The following TTC27 variants were observed in gnomAD, a reference collection of about 807,000 sequenced individuals.
The protein encoded by TTC27 is tetratricopeptide repeat protein 27.
Under a neutral mutation model 115.9 loss-of-function variants are expected in TTC27, and 79 were observed. The ratio of observed to expected loss-of-function variants is 0.68; its 90% CI spans 0.57 to 0.82. The LOEUF is 0.82. Among genes scored for constraint, TTC27 ranks in the 40% least tolerant of loss-of-function variants. The pLI is 0.00. For synonymous variants in TTC27, 401 were observed against 356.0 expected (o/e 1.13, Z -1.42); for missense variants, 1,054 against 993.1 (o/e 1.06, Z -0.82).
intron 16 of TTC27, among the ~76,000 whole-genome samples, chr2:32,794,807 CAA>C (rs1335991974): frequency 1.3e-5 from 2 of 151,936 alleles, no homozygotes; most frequent in Non-Finnish European, 2.9e-5. Context: ...ATATTGTGAA[CAA>C]GTATATGTCA....
intron 9 of TTC27, among the ~76,000 whole-genome samples, chr2:32,682,144 T>G (rs1270112671): frequency 1.3e-5 from 2 of 152,076 alleles, no homozygotes; most frequent in East Asian, 3.9e-4. Flanking sequence ...TTGTTGTGAA[T>G]AAATGCATGC....
rs769957563 is a variant in TTC27, at chr2:32,702,887, T to G, written c.1200T>G (p.Thr400=). The change falls in exon 10 of 20, where the codon ACT becomes ACG. Residue 400 remains threonine (T), a synonymous_variant. Coordinates refer to ENST00000317907, the MANE Select transcript of TTC27 (RefSeq NM_017735.5). ...GGACAAAACTTGAGAAAGGAAGTAC[T>G]CGCCGAGTGGAACGGGCAATGAGGC... ...ILRTKLEKGS[T]RRVERAMRQT... 1.9e-6 allele frequency: 3 copies of G among 1,614,088 alleles called. No homozygotes were observed. In the Admixed American group the frequency reaches 5.0e-5, roughly 27 times the overall value.
At chr2:32,715,193 T>G (rs7599214) in intron 10 of TTC27, among the ~76,000 whole-genome samples, 1 of 152,120 alleles carries the variant, frequency 6.6e-6, no homozygotes, top group Non-Finnish European at 1.5e-5. Context: ...TTCCAGGGAT[T>G]TTATAGTTTT....
At chr2:32,749,712 C>T (rs568575328) in intron 12 of TTC27, among the ~76,000 whole-genome samples, 1 of 152,200 alleles carries the variant, frequency 6.6e-6, no homozygotes, top group Admixed American at 6.5e-5. Context: ...CTTAGTGTTT[C>T]TTGGGTTTTG....
intron 5 of TTC27, among the ~76,000 whole-genome samples, chr2:32,660,842 C>G (rs1480416374): frequency 6.6e-6 from 1 of 152,042 alleles, no homozygotes; most frequent in Non-Finnish European, 1.5e-5. Context: ...AAGTCTTTGC[C>G]CATGCCTATG....
At chr2:32,820,353 G>A (rs369534229) in intron 19 of TTC27, among the ~76,000 whole-genome samples, 11 of 152,288 alleles carry the variant, frequency 7.2e-5, no homozygotes, top group African/African-American at 2.4e-4. Flanking sequence ...TTTTTATTTT[G>A]CTGGACTTTT....
intron 12 of TTC27, among the ~76,000 whole-genome samples, chr2:32,742,342 A>C (rs1194227375): frequency 6.6e-6 from 1 of 152,356 alleles, no homozygotes; most frequent in South Asian, 2.1e-4. Flanking sequence ...GGTAATGCAA[A>C]TAAGAGATGA....
intron 6 of TTC27, among the ~76,000 whole-genome samples, chr2:32,665,046 C>A (rs1665719763): frequency 6.6e-6 from 1 of 151,654 alleles, no homozygotes; most frequent in African/African-American, 2.4e-5. Flanking sequence ...GTGGTTTCAC[C>A]ATGTTGGCCA....
intron 17 of TTC27, among the ~76,000 whole-genome samples, chr2:32,811,946 C>T (rs1464804061): frequency 1.3e-5 from 2 of 152,182 alleles, no homozygotes; most frequent in African/African-American, 4.8e-5. Flanking sequence ...TGGCTTCCAC[C>T]GTGGCCTTGT....
chr2:32,661,351 A>G (rs1180670928), intron 5 of TTC27, among the ~76,000 whole-genome samples: 2 of 152,250 alleles, frequency 1.3e-5, no homozygotes, highest in African/African-American at 4.8e-5. Flanking sequence ...TCTATAAATT[A>G]CTTTGGGCAA....
chr2:32,728,529 A>G (rs538087527), intron 10 of TTC27, among the ~76,000 whole-genome samples: 1 of 152,158 alleles, frequency 6.6e-6, no homozygotes, highest in Non-Finnish European at 1.5e-5. Flanking sequence ...TTTTGGATTT[A>G]TGTGTAAATA....
At chr2:32,807,214 TTC>T (rs1421292549) in intron 16 of TTC27, among the ~76,000 whole-genome samples, 29 of 152,338 alleles carry the variant, frequency 1.9e-4, no homozygotes, top group Admixed American at 1.8e-3. Context: ...TGTCTGCTTT[TTC>T]TCTGTTTTTA....
Position 32,659,244 on chromosome 2 carries a change from C to T in TTC27, c.641-5059C>T, listed in dbSNP as rs199505873. Among the ~76,000 whole-genome samples, 31 of 152,192 alleles carry T rather than the reference C, an allele frequency of 2.0e-4. No homozygotes were observed. In the East Asian group the frequency reaches 6.0e-3, roughly 29 times the overall value. ...GTCTTCCTAAGCACTTGGATTATAG[C>T]GTGAGCCACGATGCCCAGCCCCTCC... On this transcript the variant is annotated intron_variant, in intron 5 of 19. Transcript: ENST00000317907.
intron 12 of TTC27, among the ~76,000 whole-genome samples, chr2:32,747,717 A>G (rs2151922472): frequency 6.6e-6 from 1 of 152,312 alleles, no homozygotes; most frequent in South Asian, 2.1e-4. Context: ...AAGTAGAATA[A>G]ATATTTGTAG....
chr2:32,740,231 G>A (rs981531887), intron 12 of TTC27, among the ~76,000 whole-genome samples: 2 of 152,114 alleles, frequency 1.3e-5, no homozygotes, highest in Admixed American at 6.6e-5. Flanking sequence ...GAGGGTGAGG[G>A]GTTAGGGATA....
chr2:32,638,947 C>T (rs1459377863), intron 3 of TTC27, among the ~76,000 whole-genome samples: 1 of 152,044 alleles, frequency 6.6e-6, no homozygotes, highest in Non-Finnish European at 1.5e-5. Flanking sequence ...ATTCTCCTGC[C>T]TCAGCCTCCC....
chr2:32,774,184 T>C (rs1209704224), intron 13 of TTC27, among the ~76,000 whole-genome samples: 1 of 51,230 alleles, frequency 2.0e-5, no homozygotes, highest in Non-Finnish European at 4.5e-5. Flanking sequence ...TTCCTTTTAC[T>C]TTTTTTTTTT....
chr2:32,723,728 C>CTCCCTCCCTCCATCCTTCCT (rs1454826952), intron 10 of TTC27, among the ~76,000 whole-genome samples: 1 of 29,514 alleles, frequency 3.4e-5, no homozygotes, highest in African/African-American at 1.7e-4. Flanking sequence ...CCCTCCCTCC[C>CTCCCTCCCTCCATCCTTCCT]TCCTTCCTTC....
rs528091243 is a variant in TTC27, at chr2:32,694,492, G to A, written c.1120-8315G>A. On this transcript the variant is annotated intron_variant, in intron 9 of 19. Transcript: ENST00000317907. ...GGCCAAGACAGGAGGATCACTTGAG[G>A]CCAGCAGTTTGAGACCAACCTGGGT... is the stretch of plus-strand genomic sequence containing the variant. 3.3e-5 allele frequency among the ~76,000 whole-genome samples: 5 copies of A among 152,108 alleles called. No individual in the cohort carries two copies. The East Asian group carries it at 9.7e-4, about 29-fold the overall frequency.
Sources: gnomAD v4.1 joint callset for allele counts (sites outside exome capture counted in the v4.1 genomes callset) on GRCh38, gnomAD v4.1.1 for gene constraint, MANE v1.5 for transcripts, NCBI Gene and HGNC (gene_info 2026-07-23, HGNC 2026-07-21) for gene names.